Variants in PTRH1 observed in about 807,000 individuals in gnomAD.
PTRH1 encodes peptidyl-tRNA hydrolase.
Under a neutral mutation model 15.7 loss-of-function variants are expected in PTRH1, and 13 were observed. The observed-to-expected ratio is 0.83, with a 90% CI of 0.54 to 1.31. PTRH1 has a LOEUF of 1.31. Ranked by LOEUF, PTRH1 falls within the 40% of genes most tolerant of loss-of-function variation. The pLI is 0.00. For synonymous variants in PTRH1, 139 were observed against 136.7 expected, an observed-to-expected ratio of 1.02 and a Z score of -0.12; for missense variants, 319 against 296.2, an observed-to-expected ratio of 1.08 and a Z score of -0.56.
chr9:127,713,787 G>A (rs1588397487), downstream of PTRH1: 2 of 1,525,218 alleles, frequency 1.3e-6, no homozygotes, highest in African/African-American at 2.7e-5. Context: ...GATTATAGGT[G>A]TGAGCCACTG....
rs1715309567 is a variant in PTRH1 at position 127,714,595 on chromosome 9, G to A, written c.416+8C>T. ...CCTATCCCAACCCTGACCATCTCAG[G>A]ACCTCACCTGGCACTGCCCCCCAGC... On this transcript the variant is annotated splice_region_variant and intron_variant, in intron 3 of 4. Coordinates refer to ENST00000543175, the MANE Select transcript of PTRH1 (RefSeq NM_001002913.3). 6.2e-7 allele frequency: 1 copy of A among 1,612,992 alleles called. No homozygotes were observed. Among genetic ancestry groups the A allele is most frequent in the South Asian group, 1.1e-5 (1 of 90,982 alleles).
chr9:127,712,217 G>A (rs1842782296), downstream of PTRH1: 1 of 1,613,970 alleles, frequency 6.2e-7, no homozygotes, highest in Non-Finnish European at 8.5e-7. Context: ...GAGACCAGCT[G>A]AGCCTGCAGC....
Position 127,715,485 on chromosome 9 carries a change from A to C in PTRH1, c.96+59T>G. 1 of 1,610,336 alleles carries C rather than the reference A, an allele frequency of 6.2e-7. No individual in the cohort carries two copies. The highest frequency in any genetic ancestry group is 1.1e-5 in the South Asian group (1 of 90,832). On this transcript the variant is annotated intron_variant, in intron 1 of 4. Coordinates refer to ENST00000543175, the MANE Select transcript of PTRH1 (RefSeq NM_001002913.3). The surrounding 1 kb of genome is among the most constrained non-coding windows in gnomAD (Gnocchi z 5.8). ...TGGGGGCACTCGGCTCCCGGGACAT[A>C]ATGGCCGAACTGAAGCTAGGGACCG...
chr9:127,711,675 T>A (rs980029564), downstream of PTRH1: 6 of 1,163,032 alleles, frequency 5.2e-6, no homozygotes, highest in Admixed American at 1.6e-4. Context: ...TGTATTTATT[T>A]AAAGCCCCCA....
chr9:127,694,612 G>A (rs1410166179), intron 2 of PTRH1, among the ~76,000 whole-genome samples: 1 of 151,854 alleles, frequency 6.6e-6, no homozygotes, highest in Admixed American at 6.6e-5. Context: ...ATCCTTGGAG[G>A]AGCAGGGAAT....
In PTRH1 at chr9:127,715,454, G is replaced by C; in HGVS notation, c.96+90C>G. On this transcript the variant is annotated intron_variant, in intron 1 of 4. Transcript: ENST00000543175. The surrounding 1 kb of genome is among the most constrained non-coding windows in gnomAD (Gnocchi z 5.8). Reference sequence around the variant, plus strand: ...ACTCACCAGTTAAGAAAACAGAGCAGCAATTTGGGGGCACTCGGCTCCCGG... The same window carrying C: ...ACTCACCAGTTAAGAAAACAGAGCACCAATTTGGGGGCACTCGGCTCCCGG... The C allele has an allele frequency of 6.4e-7, 1 of 1,557,156 alleles. No individual in the cohort carries two copies. Among genetic ancestry groups the C allele is most frequent in the Non-Finnish European group, 8.8e-7 (1 of 1,137,884 alleles).
At chr9:127,712,019 C>G, downstream of PTRH1, 1 of 1,544,004 alleles carries the variant, frequency 6.5e-7, no homozygotes, top group Non-Finnish European at 8.7e-7. Flanking sequence ...CAGCTCTTTC[C>G]GATCCCACGA....
At chr9:127,699,329 A>C (rs896093631) in intron 1 of PTRH1, among the ~76,000 whole-genome samples, 3 of 152,216 alleles carry the variant, frequency 2.0e-5, no homozygotes, top group Non-Finnish European at 2.9e-5. Flanking sequence ...CGCGGAACCG[A>C]CACTCGAGGC....
At chr9:127,712,658 GT>G, downstream of PTRH1, 1 of 1,613,824 alleles carries the variant, frequency 6.2e-7, no homozygotes, top group Non-Finnish European at 8.5e-7. Context: ...CTGGACGAGG[GT>G]GGGTACTGGG....
chr9:127,700,602 C>T lies in PTRH1; in HGVS notation c.206-5461G>A, dbSNP rs548388251. ...CCAGCATTCATGTTAAAATAGAGAA[C>T]ATAAGACTGGCAGAGCAGACTCTTC... On this transcript the variant is annotated intron_variant, in intron 1 of 2. Coordinates refer to the PTRH1 transcript ENST00000335223. 2.6e-5 allele frequency among the ~76,000 whole-genome samples: 4 copies of T among 152,272 alleles called. No homozygotes were observed. The South Asian group carries it at 6.2e-4, about 24-fold the overall frequency.
At chr9:127,697,689 A>T (rs1564361785) in intron 1 of PTRH1, among the ~76,000 whole-genome samples, 1 of 152,046 alleles carries the variant, frequency 6.6e-6, no homozygotes, top group Non-Finnish European at 1.5e-5. Flanking sequence ...GCAGCTGTTG[A>T]CCTCCAGCAC....
downstream of PTRH1, chr9:127,712,227 C>G (rs770724006): frequency 2.5e-6 from 4 of 1,614,038 alleles, no homozygotes; most frequent in South Asian, 4.4e-5. Flanking sequence ...GAGCCTGCAG[C>G]TGGAGCAGCA....
chr9:127,711,167 G>C (rs1222102763), downstream of PTRH1: 11 of 1,569,358 alleles, frequency 7.0e-6, no homozygotes, highest in Non-Finnish European at 9.5e-6. Context: ...CCTCACAAAG[G>C]GGTGTGCCCA....
rs1842545459 is a variant in PTRH1, at chr9:127,695,053, T to TTA, written c.293_294insTA (p.Gln98HisfsTer4). On this transcript the variant is annotated frameshift_variant, in exon 2 of 3. Coordinates refer to the PTRH1 transcript ENST00000335223. LOFTEE classifies it high-confidence loss of function. ...AGGAAGCACAGTGAGGGCTCAGCCA[T>TTA]TGATGATGATGATGATGATGATGAT... 1 of 659,974 alleles carries TTA rather than the reference T, an allele frequency of 1.5e-6. No individual in the cohort carries two copies. 40.9% of individuals were successfully genotyped at this position (659,974 alleles called of 1,614,324 possible).
rs550263616 is a variant in PTRH1 at position 127,715,434 on chromosome 9, C to T, written c.96+110G>A. The T allele has an allele frequency of 2.7e-5, 40 of 1,479,026 alleles. No homozygotes were observed. The African/African-American group carries it at 5.6e-4, about 21-fold the overall frequency. The allele number at this position is 1,479,026 out of a possible 1,614,324, so 91.6% of individuals were successfully genotyped here. On this transcript the variant is annotated intron_variant, in intron 1 of 4. Coordinates refer to ENST00000543175, the MANE Select transcript of PTRH1 (RefSeq NM_001002913.3). The surrounding 1 kb of genome is among the most constrained non-coding windows in gnomAD (Gnocchi z 5.8). ...TGGAGCCCGTCGAGCACTGAACTCA[C>T]CAGTTAAGAAAACAGAGCAGCAATT...
Position 127,714,962 on chromosome 9 carries a change from G to GCT in PTRH1, c.316+11_316+12dup. On this transcript the variant is annotated intron_variant, in intron 2 of 4. Transcript: ENST00000543175. The stretch of plus-strand genomic sequence containing the variant: ...CTTGGCCCGCCCGCCCACCCCTGGC[G>GCT]CTCTCAACTCACCAGCCCGGGCCAC... 1 of 300,786 alleles carries GCT rather than the reference G, an allele frequency of 3.3e-6. No homozygotes were observed. Among genetic ancestry groups the GCT allele is most frequent in the Non-Finnish European group, 5.6e-6 (1 of 178,616 alleles). 18.6% of individuals were successfully genotyped at this position (300,786 alleles called of 1,614,324 possible). A position where few individuals can be genotyped will look rare whatever the true frequency, so the allele number is the denominator to read the frequency against.
intron 1 of PTRH1, among the ~76,000 whole-genome samples, chr9:127,704,622 C>T (rs1842629110): frequency 1.3e-5 from 2 of 152,056 alleles, no homozygotes; most frequent in Admixed American, 1.3e-4. Flanking sequence ...GGAGCCTGTT[C>T]TGCAGATCTG....
At chr9:127,713,657 C>T (rs1230046378), downstream of PTRH1, 2 of 518,294 alleles carry the variant, frequency 3.9e-6, no homozygotes, top group Non-Finnish European at 7.0e-6. Flanking sequence ...CAGGCATGCA[C>T]CACCATGCCT....
downstream of PTRH1, chr9:127,711,162 CA>C: frequency 6.4e-7 from 1 of 1,562,050 alleles, no homozygotes; most frequent in Non-Finnish European, 8.7e-7. Context: ...GGGAACCTCA[CA>C]AAGGGGTGTG....
Sources: gnomAD v4.1 joint callset for allele counts (sites outside exome capture counted in the v4.1 genomes callset) on GRCh38, gnomAD v4.1.1 for gene constraint, Gnocchi (gnomAD v3.1) non-coding constraint, MANE v1.5 for transcripts, NCBI Gene and HGNC (gene_info 2026-07-23, HGNC 2026-07-21) for gene names.